The following LRMDA variants were observed in gnomAD, a reference collection of about 807,000 sequenced individuals.
LRMDA encodes the protein leucine-rich melanocyte differentiation-associated protein.
Under a neutral mutation model 29.8 loss-of-function variants are expected in LRMDA, and 18 were observed. The ratio of observed to expected loss-of-function variants is 0.60; its 90% CI spans 0.42 to 0.90. The LOEUF (loss-of-function observed/expected upper bound fraction) is 0.90, where lower values mean the gene tolerates loss of function less well. Among genes scored for constraint, LRMDA ranks in the 40% least tolerant of loss-of-function variants. LRMDA has a pLI of 0.00. For synonymous variants in LRMDA, 125 were observed against 109.4 expected (o/e 1.14, Z -0.89); for missense variants, 273 against 273.9 (o/e 1.00, Z 0.02).
chr10:76,192,612 TG>T (rs560084354), intron 5 of LRMDA, among the ~76,000 whole-genome samples: 50 of 152,326 alleles, frequency 3.3e-4, no homozygotes, highest in African/African-American at 1.2e-3. Flanking sequence ...TGCTGTTTCT[TG>T]TTGATAGTTA....
intron 2 of LRMDA, among the ~76,000 whole-genome samples, chr10:75,884,314 T>C (rs1845346243): frequency 1.3e-5 from 2 of 149,906 alleles, no homozygotes; most frequent in South Asian, 4.2e-4. Flanking sequence ...TGTTTTCATG[T>C]GAGCTGTGGA....
At chr10:76,004,781 G>GC (rs1847619674) in intron 2 of LRMDA, among the ~76,000 whole-genome samples, 1 of 147,888 alleles carries the variant, frequency 6.8e-6, no homozygotes, top group Non-Finnish European at 1.5e-5. Flanking sequence ...AGGCTAGAGT[G>GC]CAGTGGCGTG....
intron 3 of LRMDA, among the ~76,000 whole-genome samples, chr10:76,038,779 C>T (rs1326316958): frequency 6.6e-6 from 1 of 152,188 alleles, no homozygotes; most frequent in East Asian, 1.9e-4. Context: ...TAGATATGGC[C>T]TCTATACATT....
At position 76,034,425 on chromosome 10, in the gene LRMDA, C is replaced by T. The variant is rs964051328; in HGVS notation, c.132-1583C>T. ...CTGGACCCCTACTCCAAAATGTGTCCCCCCTCGGTGGGGCTGGCAGTGTTG... is the reference window on the plus strand; with the variant it reads ...CTGGACCCCTACTCCAAAATGTGTCTCCCCTCGGTGGGGCTGGCAGTGTTG... On this transcript the variant is annotated intron_variant, in intron 2 of 6. Transcript: ENST00000611255. Among the ~76,000 whole-genome samples, 11 of 152,058 alleles carry T rather than the reference C, an allele frequency of 7.2e-5. No homozygotes were observed. The East Asian group carries it at 2.1e-3, about 29-fold the overall frequency.
intron 5 of LRMDA, among the ~76,000 whole-genome samples, chr10:76,305,390 C>CT (rs149663402): frequency 0.015 from 2,287 of 152,240 alleles, 52 homozygotes; most frequent in African/African-American, 0.052. Context: ...CTCAAAACAT[C>CT]TTTTTTCTTT....
At chr10:76,221,202 A>C (rs1248130006) in intron 5 of LRMDA, among the ~76,000 whole-genome samples, 1 of 152,058 alleles carries the variant, frequency 6.6e-6, no homozygotes, top group Non-Finnish European at 1.5e-5. Flanking sequence ...TTCCCTTTGA[A>C]AACTGGCACA....
intron 5 of LRMDA, among the ~76,000 whole-genome samples, chr10:76,220,644 A>G (rs1851814315): frequency 6.6e-6 from 1 of 152,190 alleles, no homozygotes. Flanking sequence ...TTACCAACCA[A>G]AAAGAGTCCA....
intron 2 of LRMDA, among the ~76,000 whole-genome samples, chr10:75,676,871 C>T (rs914886863): frequency 5.9e-5 from 9 of 152,090 alleles, no homozygotes; most frequent in Admixed American, 1.3e-4. Context: ...CACCTTTGGC[C>T]CCACCTTGCT....
At chr10:76,139,316 A>C (rs1564663641) in intron 5 of LRMDA, among the ~76,000 whole-genome samples, 1 of 152,154 alleles carries the variant, frequency 6.6e-6, no homozygotes, top group Non-Finnish European at 1.5e-5. Context: ...TATTATATTA[A>C]TACTTCAACT....
intron 2 of LRMDA, among the ~76,000 whole-genome samples, chr10:75,544,182 A>C (rs1454155218): frequency 6.6e-6 from 1 of 152,198 alleles, no homozygotes; most frequent in Non-Finnish European, 1.5e-5. Flanking sequence ...CCTACGAGAA[A>C]AGATACAGAT....
At chr10:75,784,660 G>A (rs555297053) in intron 2 of LRMDA, among the ~76,000 whole-genome samples, 5 of 150,234 alleles carry the variant, frequency 3.3e-5, no homozygotes, top group African/African-American at 9.8e-5. Context: ...CAGAGATTGC[G>A]CCACTGCACT....
At position 76,351,890 on chromosome 10, in the gene LRMDA, C is replaced by T. The variant is rs539169118; in HGVS notation, c.601+27405C>T. 8.5e-5 allele frequency among the ~76,000 whole-genome samples: 13 copies of T among 152,178 alleles called. 1 individual carries two copies. In the South Asian group the frequency reaches 2.7e-3, roughly 32 times the overall value. On this transcript the variant is annotated intron_variant, in intron 6 of 6. Coordinates refer to ENST00000611255, the MANE Select transcript of LRMDA (RefSeq NM_001305581.2). Reference sequence around the variant, plus strand: ...AGTGTTGGTTCTCTAACTTCATCAACAGTAAAAGGTGGGTGCCAGTACCTC... The same window carrying T: ...AGTGTTGGTTCTCTAACTTCATCAATAGTAAAAGGTGGGTGCCAGTACCTC...
intron 2 of LRMDA, among the ~76,000 whole-genome samples, chr10:75,596,653 A>G (rs1457201454): frequency 1.3e-5 from 2 of 152,166 alleles, no homozygotes; most frequent in Non-Finnish European, 2.9e-5. Context: ...TAGCATATCC[A>G]TCATCTTGAA....
At chr10:76,546,229 C>G (rs1420117587) in intron 6 of LRMDA, among the ~76,000 whole-genome samples, 1 of 152,178 alleles carries the variant, frequency 6.6e-6, no homozygotes, top group African/African-American at 2.4e-5. Flanking sequence ...GGGCGAAAGT[C>G]TATTGTTTTC....
At chr10:76,042,175 G>A (rs1848352220) in intron 3 of LRMDA, among the ~76,000 whole-genome samples, 1 of 152,276 alleles carries the variant, frequency 6.6e-6, no homozygotes, top group African/African-American at 2.4e-5. Flanking sequence ...GCATAAAGGC[G>A]AAGGACTGGT....
intron 6 of LRMDA, among the ~76,000 whole-genome samples, chr10:76,523,361 G>A (rs1030481574): frequency 1.3e-5 from 2 of 151,986 alleles, no homozygotes; most frequent in South Asian, 2.1e-4. Context: ...CTGCCAAGGG[G>A]GTCAGGAGGG....
In LRMDA at chr10:76,324,448, C is replaced by T; in HGVS notation, c.564C>T (p.Pro188=). The change falls in exon 6 of 7, where the codon CCC becomes CCT. Residue 188 remains proline, a synonymous_variant. Transcript: ENST00000611255. The part of the protein sequence containing the change: ...VASSPERHYT[P]LPSASRELTS... ...GCTCCCCGGAGCGCCACTACACGCC[C>T]TTGCCTTCTGCTTCCAGGGAACTCA... 1.2e-6 allele frequency: 2 copies of T among 1,614,132 alleles called. No homozygotes were observed. The highest frequency in any genetic ancestry group is 1.7e-6 in the Non-Finnish European group (2 of 1,180,030).
chr10:76,545,701 A>T (rs1056002325), intron 6 of LRMDA, among the ~76,000 whole-genome samples: 2 of 149,604 alleles, frequency 1.3e-5, no homozygotes, highest in Non-Finnish European at 3.0e-5. Context: ...ATTAGCTTTC[A>T]GACTGCTATT....
chr10:76,051,175 A>G (rs1460401764), intron 4 of LRMDA, among the ~76,000 whole-genome samples: 1 of 152,264 alleles, frequency 6.6e-6, no homozygotes, highest in East Asian at 1.9e-4. Context: ...CCAGACGAAT[A>G]GGAGCTGTAA....
Sources: gnomAD v4.1 joint callset for allele counts (sites outside exome capture counted in the v4.1 genomes callset) on GRCh38, gnomAD v4.1.1 for gene constraint, MANE v1.5 for transcripts, NCBI Gene and HGNC (gene_info 2026-07-23, HGNC 2026-07-21) for gene names.